Variants in ANKRD44 observed in about 807,000 individuals in gnomAD.
The protein encoded by ANKRD44 is ankyrin repeat domain 44, also known as serine/threonine-protein phosphatase 6 regulatory ankyrin repeat subunit B.
ANKRD44 carries 35 observed loss-of-function variants against 116.0 expected under a neutral mutation model. That is an observed-to-expected ratio of 0.30 (90% CI 0.23 to 0.40). ANKRD44 has a LOEUF of 0.40. Ranked by LOEUF, ANKRD44 falls within the 10% of genes least tolerant of loss-of-function variation. The probability of loss-of-function intolerance (pLI) is 1.00; values close to 1 mark genes in which losing one functional copy is unlikely to be tolerated. For synonymous variants in ANKRD44, 435 were observed against 461.8 expected (o/e 0.94, Z 0.74); for missense variants, 1,014 against 1,242.6 (o/e 0.82, Z 2.77).
At chr2:196,975,708 A>C (rs1397194727) in intron 21 of ANKRD44, among the ~76,000 whole-genome samples, 1 of 150,710 alleles carries the variant, frequency 6.6e-6, no homozygotes, top group Non-Finnish European at 1.5e-5. Flanking sequence ...TGACTGCTTG[A>C]ACCTGGGAGC....
intron 2 of ANKRD44, among the ~76,000 whole-genome samples, chr2:197,182,475 A>G (rs528934794): frequency 6.6e-6 from 1 of 152,204 alleles, no homozygotes; most frequent in Non-Finnish European, 1.5e-5. Context: ...AATGAACTAT[A>G]AGCTACCAAA....
intron 16 of ANKRD44, among the ~76,000 whole-genome samples, chr2:197,066,922 G>T (rs532912151): frequency 4.1e-4 from 63 of 152,182 alleles, no homozygotes; most frequent in Admixed American, 3.7e-3. Flanking sequence ...TCACAGAATT[G>T]GTAAAAACTA....
At chr2:197,301,170 T>G (rs936863018) in intron 1 of ANKRD44, 1 of 152,260 alleles carries the variant, frequency 6.6e-6, no homozygotes, top group Non-Finnish European at 1.5e-5. Flanking sequence ...AGCATGATTC[T>G]TGTCTTGTCT....
intron 13 of ANKRD44, among the ~76,000 whole-genome samples, chr2:197,085,324 T>C (rs989736131): frequency 3.3e-5 from 5 of 152,136 alleles, no homozygotes; most frequent in African/African-American, 1.2e-4. Context: ...ACCCAGTTCT[T>C]GTCCTGAGGA....
chr2:196,974,088 C>CT (rs113868254), intron 21 of ANKRD44, among the ~76,000 whole-genome samples: 12,505 of 146,580 alleles, frequency 0.085, 535 homozygotes, highest in South Asian at 0.11. Context: ...CTCTCATACT[C>CT]TTTTTTTTTT....
At chr2:196,998,246 A>T in intron 25 of ANKRD44, 91 bp downstream of exon 25, 1 of 971,116 alleles carries the variant, frequency 1.0e-6, no homozygotes, top group Non-Finnish European at 1.6e-6. Flanking sequence ...ATTAAGAGCC[A>T]TGCTACACAG....
chr2:197,085,303 G>A (rs12467303), intron 13 of ANKRD44, among the ~76,000 whole-genome samples: 18,975 of 152,170 alleles, frequency 0.12, 1,417 homozygotes, highest in Non-Finnish European at 0.17. Context: ...CAAAGATAGG[G>A]AGAAAATGAT....
At chr2:197,224,653 TGC>T (rs1362331355) in intron 1 of ANKRD44, among the ~76,000 whole-genome samples, 2 of 152,252 alleles carry the variant, frequency 1.3e-5, no homozygotes, top group African/African-American at 4.8e-5. Context: ...TTTGGTTTGT[TGC>T]GCTTTTCTAT....
intron 1 of ANKRD44, among the ~76,000 whole-genome samples, chr2:197,216,233 A>C (rs2081439658): frequency 6.6e-6 from 1 of 152,232 alleles, no homozygotes; most frequent in Admixed American, 6.5e-5. Flanking sequence ...CTAATGTGGA[A>C]GTAATATGTA....
chr2:197,145,154 G>C (rs1436505822), intron 3 of ANKRD44, among the ~76,000 whole-genome samples: 1 of 152,146 alleles, frequency 6.6e-6, no homozygotes, highest in Non-Finnish European at 1.5e-5. Context: ...AGCCAGGCGT[G>C]GTGGCACGCG....
chr2:197,164,073 G>A (rs992571888), intron 2 of ANKRD44, among the ~76,000 whole-genome samples: 3 of 152,216 alleles, frequency 2.0e-5, no homozygotes, highest in Non-Finnish European at 2.9e-5. Context: ...TTCCCAGAAG[G>A]ATGGACTTTC....
chr2:197,089,872 ACT>A, intron 11 of ANKRD44, 76 bp downstream of exon 11: 1 of 1,290,744 alleles, frequency 7.7e-7, no homozygotes, highest in Non-Finnish European at 1.1e-6. Context: ...GCAGCCACTC[ACT>A]CTGACCAGAC....
At chr2:197,248,738 T>C (rs539118020) in intron 1 of ANKRD44, among the ~76,000 whole-genome samples, 63 of 151,730 alleles carry the variant, frequency 4.2e-4, no homozygotes, top group African/African-American at 1.4e-3. Context: ...GCTGCAAACA[T>C]AGGAGGCTCT....
chr2:197,240,793 T>TC (rs2082074843), intron 1 of ANKRD44, among the ~76,000 whole-genome samples: 1 of 145,966 alleles, frequency 6.9e-6, no homozygotes, highest in South Asian at 2.3e-4. Context: ...TAACCAAATC[T>TC]CACAGTTCGA....
chr2:197,023,190 T>C (rs1365368544), intron 17 of ANKRD44, among the ~76,000 whole-genome samples: 1 of 152,240 alleles, frequency 6.6e-6, no homozygotes, highest in Non-Finnish European at 1.5e-5. Context: ...CATTAACTCA[T>C]GCCATCTCCA....
intron 17 of ANKRD44, among the ~76,000 whole-genome samples, chr2:197,024,274 C>G (rs1166894769): frequency 6.6e-6 from 1 of 152,178 alleles, no homozygotes; most frequent in East Asian, 1.9e-4. Flanking sequence ...ACAAAGAAAC[C>G]CAGCCCCTTC....
intron 2 of ANKRD44, among the ~76,000 whole-genome samples, chr2:197,164,489 A>G (rs897039725): frequency 6.6e-6 from 1 of 152,168 alleles, no homozygotes; most frequent in Non-Finnish European, 1.5e-5. Flanking sequence ...GCTGAAGAGC[A>G]GCGCTCAGAA....
At chr2:197,059,340 A>G (rs2077264875) in intron 16 of ANKRD44, among the ~76,000 whole-genome samples, 1 of 152,244 alleles carries the variant, frequency 6.6e-6, no homozygotes, top group African/African-American at 2.4e-5. Flanking sequence ...ACAAATCAAC[A>G]TAAATATGCT....
Position 197,227,320 on chromosome 2 carries a change from G to A in ANKRD44, c.28-40214C>T, listed in dbSNP as rs1280464130. 1.1e-4 allele frequency among the ~76,000 whole-genome samples: 16 copies of A among 152,248 alleles called. 1 individual carries two copies. The highest frequency in any genetic ancestry group is 2.2e-4 in the Non-Finnish European group (15 of 68,038). ...CAGGTGGTCTGAAGCTTTGCTTTCA[G>A]CAATAGCTGGACCGAGGACTGCAGA... is the stretch of plus-strand genomic sequence containing the variant. On this transcript the variant is annotated intron_variant, in intron 1 of 27. Coordinates refer to ENST00000282272, the MANE Select transcript of ANKRD44 (RefSeq NM_001195144.2).
Sources: gnomAD v4.1 joint callset for allele counts (sites outside exome capture counted in the v4.1 genomes callset) on GRCh38, gnomAD v4.1.1 for gene constraint, MANE v1.5 for transcripts, NCBI Gene and HGNC (gene_info 2026-07-23, HGNC 2026-07-21) for gene names.